Variants in MED17 observed in about 807,000 individuals in gnomAD.
The protein encoded by MED17 is mediator of RNA polymerase II transcription subunit 17.
In MED17, 49 loss-of-function variants were observed where a neutral mutation model predicts 80.8. That is an observed-to-expected ratio of 0.61 (90% CI 0.48 to 0.77). MED17 has a LOEUF of 0.77. Among genes scored for constraint, MED17 ranks in the 30% least tolerant of loss-of-function variants. MED17 has a pLI of 0.00. For synonymous variants in MED17, 281 were observed against 280.4 expected (o/e 1.00, Z -0.02); for missense variants, 718 against 787.0 (o/e 0.91, Z 1.05).
chr11:93,788,749 G>A (rs1231969936), intron 2 of MED17: 1 of 152,470 alleles, frequency 6.6e-6, no homozygotes, highest in Non-Finnish European at 1.5e-5. Context: ...TATAGCCTGG[G>A]TCCTTGGTCT....
Position 93,813,254 on chromosome 11 carries a change from G to C in MED17, c.*1190G>C, listed in dbSNP as rs1241039429. The stretch of plus-strand genomic sequence containing the variant: ...GACATCCTGCTTTAACAATTTGTAA[G>C]ATGACTGTGCAGTAATAAAAGTCCT... On this transcript the variant is annotated 3_prime_UTR_variant, in exon 12 of 12. Transcript: ENST00000251871. 1 of 152,176 alleles carries C rather than the reference G, an allele frequency of 6.6e-6. No individual in the cohort carries two copies. The highest frequency in any genetic ancestry group is 1.5e-5 in the Non-Finnish European group (1 of 68,034). 9.4% of individuals were successfully genotyped at this position (152,176 alleles called of 1,614,324 possible).
At chr11:93,809,596 A>G in intron 10 of MED17, 121 bp from the exon 11 acceptor site, 1 of 1,000,344 alleles carries the variant, frequency 1.0e-6, no homozygotes. Flanking sequence ...CCTCAGACCT[A>G]AGATAGGGTT....
chr11:93,812,316 A>G lies in MED17; in HGVS notation c.*252A>G. The G allele has an allele frequency of 1.1e-5, 6 of 559,944 alleles. No individual in the cohort carries two copies. Among genetic ancestry groups the G allele is most frequent in the Non-Finnish European group, 1.6e-5 (5 of 319,208 alleles). The allele number at this position is 559,944 out of a possible 1,614,324, so 34.7% of individuals were successfully genotyped here. ...AAATAATATGTTTTTCATGCAGTTT[A>G]AAATATTACTAACTTAAGGGTTTCT... On this transcript the variant is annotated 3_prime_UTR_variant, in exon 12 of 12. Transcript: ENST00000251871.
Position 93,789,503 on chromosome 11 carries a change from T to C in MED17, c.418-1071T>C, listed in dbSNP as rs558678735. On this transcript the variant is annotated intron_variant, in intron 2 of 11. Transcript: ENST00000251871. ...AATCAAAAGATTATTTTGATATGTTTATGAAGCTTTTTATGTGATTTTTGA... is the reference window on the plus strand; with the variant it reads ...AATCAAAAGATTATTTTGATATGTTCATGAAGCTTTTTATGTGATTTTTGA... The C allele has an allele frequency of 2.0e-5, 3 of 152,368 alleles. No individual in the cohort carries two copies. In the East Asian group the frequency reaches 5.8e-4, roughly 29 times the overall value. The allele number at this position is 152,368 out of a possible 1,614,324, so 9.4% of individuals were successfully genotyped here.
chr11:93,794,225 A>C (rs1411034390), intron 5 of MED17, 190 bp downstream of exon 5: 1 of 430,628 alleles, frequency 2.3e-6, no homozygotes, highest in Admixed American at 3.9e-5. Context: ...TTTTTTTGAG[A>C]CCAAGTTTCT....
In MED17 at chr11:93,793,677, G is replaced by A. The variant is rs776490049; in HGVS notation, c.638-51G>A. 42 of 1,304,192 alleles carry A rather than the reference G, an allele frequency of 3.2e-5. No homozygotes were observed. In the African/African-American group the frequency reaches 4.2e-4, roughly 13 times the overall value. 80.8% of individuals were successfully genotyped at this position (1,304,192 alleles called of 1,614,324 possible). A position where few individuals can be genotyped will look rare whatever the true frequency, so the allele number is the denominator to read the frequency against. On this transcript the variant is annotated intron_variant, in intron 3 of 11. Transcript: ENST00000251871. ...TATTATATATTTAATAATGTGTGTCGGAATAATATGTTAACTGTTTTATAT... is the reference window on the plus strand; with the variant it reads ...TATTATATATTTAATAATGTGTGTCAGAATAATATGTTAACTGTTTTATAT...
intron 10 of MED17, chr11:93,808,382 A>T (rs1220531554): frequency 6.7e-6 from 1 of 149,022 alleles, no homozygotes; most frequent in East Asian, 2.0e-4. Flanking sequence ...AAAAAAAAAA[A>T]AAAAAAAAAA....
At position 93,801,817 on chromosome 11, in the gene MED17, A is replaced by G. The variant is rs1943965231; in HGVS notation, c.1329-18A>G. ...GTATGGTGACTTAAAAAGTTTTTTA[A>G]CTTCTTGTATTTAAAAGAGCTGCTG... On this transcript the variant is annotated intron_variant, in intron 8 of 11. Coordinates refer to ENST00000251871, the MANE Select transcript of MED17 (RefSeq NM_004268.5). The G allele has an allele frequency of 3.1e-6, 5 of 1,611,284 alleles. No individual in the cohort carries two copies. The highest frequency in any genetic ancestry group is 4.2e-6 in the Non-Finnish European group (5 of 1,178,584).
At chr11:93,794,261 A>G (rs538024739) in intron 5 of MED17, 4 of 410,356 alleles carry the variant, frequency 9.7e-6, no homozygotes, top group African/African-American at 4.3e-5. Flanking sequence ...CTAGAGTGCA[A>G]TGGCGCAGTC....
chr11:93,814,086 T>G lies in MED17; in HGVS notation c.*2022T>G, dbSNP rs1039252709. The G allele has an allele frequency of 2.0e-5, 3 of 152,236 alleles. No individual in the cohort carries two copies. The South Asian group carries it at 6.2e-4, about 32-fold the overall frequency. 9.4% of individuals were successfully genotyped at this position (152,236 alleles called of 1,614,324 possible). On this transcript the variant is annotated 3_prime_UTR_variant, in exon 12 of 12. Coordinates refer to ENST00000251871, the MANE Select transcript of MED17 (RefSeq NM_004268.5). The stretch of plus-strand genomic sequence containing the variant: ...CTTGTCATGAATCAGTAACAAATCA[T>G]GGACCAGGACCACACCTTGAGTAGA...
At position 93,811,852 on chromosome 11, in the gene MED17, G is replaced by T; in HGVS notation, c.1745-1G>T. 6.2e-7 allele frequency: 1 copy of T among 1,614,052 alleles called. No homozygotes were observed. Among genetic ancestry groups the T allele is most frequent in the Non-Finnish European group, 8.5e-7 (1 of 1,179,954 alleles). On this transcript the variant is annotated splice_acceptor_variant, in intron 11 of 11. Transcript: ENST00000251871. LOFTEE classifies it high-confidence loss of function. Reference sequence around the variant, plus strand: ...ATTGATATTTTGGTTTTTCTCCACAGTTCGTAATGGACCTGAAAGTGGCAG... The same window carrying T: ...ATTGATATTTTGGTTTTTCTCCACATTTCGTAATGGACCTGAAAGTGGCAG...
At chr11:93,797,271 C>G in intron 7 of MED17, 1 of 423,684 alleles carries the variant, frequency 2.4e-6, no homozygotes, top group Non-Finnish European at 4.3e-6. Flanking sequence ...AGTTGTGACT[C>G]CCTCAAACCT....
Position 93,809,771 on chromosome 11 carries a change from C to G in MED17, c.1639C>G (p.Gln547Glu). 1 of 1,614,152 alleles carries G rather than the reference C, an allele frequency of 6.2e-7. No homozygotes were observed. The highest frequency in any genetic ancestry group is 8.5e-7 in the Non-Finnish European group (1 of 1,180,016). The change falls in exon 11 of 12, where the codon CAA becomes GAA. Residue 547 changes from glutamine (Q) to glutamate (E), a missense_variant. Transcript: ENST00000251871. ...GCAACTCGCCAAGGTTATGGGCTGG[C>G]AAGTACTGAGCTTCAGTAATCATGT... Reference protein sequence around the residue: ...VQQLAKVMGWQVLSFSNHVGL... With the variant: ...VQQLAKVMGWEVLSFSNHVGL...
Position 93,784,564 on chromosome 11 carries a change from G to A in MED17, c.51G>A (p.Lys17=). The change falls in exon 1 of 12, where the codon AAG becomes AAA. Residue 17 remains lysine, a synonymous_variant. Transcript: ENST00000251871. ...VRISIESACE[K]QVHEVGLDGT... ...TCAGCATCGAATCGGCCTGCGAGAA[G>A]CAGGTCCATGAGGTGGGCCTGGATG... 2 of 1,612,642 alleles carry A rather than the reference G, an allele frequency of 1.2e-6. No homozygotes were observed. The highest frequency in any genetic ancestry group is 1.1e-5 in the South Asian group (1 of 90,952).
rs1472581996 is a variant in MED17, at chr11:93,784,407, G to C, written c.-107G>C. 1 of 1,415,378 alleles carries C rather than the reference G, an allele frequency of 7.1e-7. No homozygotes were observed. Among genetic ancestry groups the C allele is most frequent in the Non-Finnish European group, 9.4e-7 (1 of 1,067,308 alleles). 87.7% of individuals were successfully genotyped at this position (1,415,378 alleles called of 1,614,324 possible). A position where few individuals can be genotyped will look rare whatever the true frequency, so the allele number is the denominator to read the frequency against. The stretch of plus-strand genomic sequence containing the variant: ...TTTCCCGAGGGTCTTCTGAGGCACC[G>C]CGGCTGCGGGCTTCTGAGTTCCCGG... On this transcript the variant is annotated 5_prime_UTR_variant, in exon 1 of 12. Coordinates refer to ENST00000251871, the MANE Select transcript of MED17 (RefSeq NM_004268.5).
intron 10 of MED17, 104 bp from the exon 11 acceptor site, chr11:93,809,613 G>A: frequency 8.6e-7 from 1 of 1,156,248 alleles, no homozygotes; most frequent in Non-Finnish European, 1.3e-6. Context: ...GGTTGCTGTA[G>A]TAGTCAGTGA....
chr11:93,813,087 G>T lies in MED17; in HGVS notation c.*1023G>T, dbSNP rs1169974258. 6.6e-6 allele frequency: 1 copy of T among 152,162 alleles called. No individual in the cohort carries two copies. The highest frequency in any genetic ancestry group is 2.1e-4 in the South Asian group (1 of 4,832). 9.4% of individuals were successfully genotyped at this position (152,162 alleles called of 1,614,324 possible). ...GTGGGTTATCTTTTCCAAGGAACAG[G>T]TTTGCACTTCTTGGAAAAAGTGCCT... On this transcript the variant is annotated 3_prime_UTR_variant, in exon 12 of 12. Transcript: ENST00000251871.
At chr11:93,796,744 G>A (rs769000710) in intron 7 of MED17, among the ~76,000 whole-genome samples, 1 of 152,162 alleles carries the variant, frequency 6.6e-6, no homozygotes, top group Admixed American at 6.5e-5. Flanking sequence ...CCTTCTAGTG[G>A]TAGAGATACA....
rs1181016571 is a variant in MED17, at chr11:93,814,343, A to G, written c.*2279A>G. 6.6e-6 allele frequency: 1 copy of G among 152,168 alleles called. No homozygotes were observed. The highest frequency in any genetic ancestry group is 1.9e-4 in the East Asian group (1 of 5,200). The allele number at this position is 152,168 out of a possible 1,614,324, so 9.4% of individuals were successfully genotyped here. On this transcript the variant is annotated 3_prime_UTR_variant, in exon 12 of 12. Transcript: ENST00000251871. ...ATTCTTATGCCTTGTATTTATTTAC[A>G]TTTTCTAGTTTAATGTTTTAACCTG... is the stretch of plus-strand genomic sequence containing the variant.
Sources: gnomAD v4.1 joint callset for allele counts (sites outside exome capture counted in the v4.1 genomes callset) on GRCh38, gnomAD v4.1.1 for gene constraint, MANE v1.5 for transcripts, NCBI Gene and HGNC (gene_info 2026-07-23, HGNC 2026-07-21) for gene names.